The following RABGAP1L variants were observed in gnomAD, a reference collection of about 807,000 sequenced individuals.
RABGAP1L encodes the protein rab GTPase-activating protein 1-like.
RABGAP1L carries 63 observed loss-of-function variants against 137.7 expected under a neutral mutation model. That is an observed-to-expected ratio of 0.46 (90% confidence interval 0.37 to 0.56). RABGAP1L has a LOEUF of 0.56. RABGAP1L is among the 20% of genes least tolerant of loss of function. The pLI, the probability that RABGAP1L is intolerant of heterozygous loss-of-function variation, is 0.00. For missense variants in RABGAP1L, 1,095 were observed against 1,244.0 expected (o/e 0.88, Z 1.80); for synonymous variants, 431 against 433.7 (o/e 0.99, Z 0.08).
At chr1:174,229,798 G>A (rs1041903873) in intron 3 of RABGAP1L, among the ~76,000 whole-genome samples, 4 of 152,084 alleles carry the variant, frequency 2.6e-5, no homozygotes, top group African/African-American at 4.8e-5. Flanking sequence ...GGGATGGCTG[G>A]GTCAAATGGT....
At chr1:174,686,648 CTTTTTTTTTTTTTTT>C (rs533716511) in intron 15 of RABGAP1L, among the ~76,000 whole-genome samples, 20,395 of 105,860 alleles carry the variant, frequency 0.19, 5,022 homozygotes, top group African/African-American at 0.54. Flanking sequence ...ACAAAGCAAT[CTTTTTTTTTTTTTTT>C]TTTTTTTTTT....
chr1:174,889,537 C>T (rs998733896), intron 19 of RABGAP1L, among the ~76,000 whole-genome samples: 1 of 152,094 alleles, frequency 6.6e-6, no homozygotes, highest in South Asian at 2.1e-4. Flanking sequence ...CCTCCTGCTT[C>T]AACCTCTCAA....
At chr1:174,271,815 A>G (rs903255961) in intron 7 of RABGAP1L, among the ~76,000 whole-genome samples, 6 of 152,078 alleles carry the variant, frequency 3.9e-5, no homozygotes, top group African/African-American at 1.4e-4. Context: ...TTAACAGTAA[A>G]TTAATAATAT....
chr1:174,488,203 T>C (rs1021882333), intron 13 of RABGAP1L, among the ~76,000 whole-genome samples: 1 of 152,106 alleles, frequency 6.6e-6, no homozygotes, highest in African/African-American at 2.4e-5. Context: ...TTAGCACTTC[T>C]TGTAGAACAG....
chr1:174,626,902 A>T (rs866695323), intron 13 of RABGAP1L, among the ~76,000 whole-genome samples: 1 of 152,228 alleles, frequency 6.6e-6, no homozygotes, highest in Non-Finnish European at 1.5e-5. Context: ...TTATCATCCA[A>T]CATAGAACTA....
chr1:174,385,022 A>G (rs1350181668), intron 12 of RABGAP1L, among the ~76,000 whole-genome samples: 1 of 152,098 alleles, frequency 6.6e-6, no homozygotes, highest in Non-Finnish European at 1.5e-5. Flanking sequence ...TTGTGTCTTG[A>G]TCATGTCATG....
At chr1:174,510,316 T>C (rs1662215485) in intron 13 of RABGAP1L, among the ~76,000 whole-genome samples, 1 of 152,224 alleles carries the variant, frequency 6.6e-6, no homozygotes, top group South Asian at 2.1e-4. Context: ...TAATCTGTTT[T>C]GTTTACTGTT....
intron 14 of RABGAP1L, among the ~76,000 whole-genome samples, chr1:174,665,563 C>T (rs1484821861): frequency 2.6e-5 from 4 of 151,802 alleles, no homozygotes; most frequent in African/African-American, 9.7e-5. Context: ...TCAAGCAATT[C>T]TCCTGCCTTA....
chr1:174,720,420 C>T (rs774710282), intron 17 of RABGAP1L, among the ~76,000 whole-genome samples: 11 of 151,922 alleles, frequency 7.2e-5, no homozygotes, highest in Non-Finnish European at 1.5e-4. Context: ...CTCAAGCACT[C>T]CTCCCACCTC....
chr1:174,476,069 T>C lies in RABGAP1L; in HGVS notation c.1710+81924T>C, dbSNP rs116230860. Among the ~76,000 whole-genome samples, 457 of 152,220 alleles carry C rather than the reference T, an allele frequency of 3.0e-3. 3 individuals carry two copies. The highest frequency in any genetic ancestry group is 0.01 in the African/African-American group (425 of 41,552). On this transcript the variant is annotated intron_variant, in intron 13 of 25. Transcript: ENST00000681986. Reference sequence around the variant, plus strand: ...CCAACAAAGGTTAGCGGAGTGACCTTGGAAAGGTGAGAGTTAATTCTTACT... The same window carrying C: ...CCAACAAAGGTTAGCGGAGTGACCTCGGAAAGGTGAGAGTTAATTCTTACT...
intron 13 of RABGAP1L, among the ~76,000 whole-genome samples, chr1:174,603,634 T>G (rs888155374): frequency 6.6e-6 from 1 of 152,040 alleles, no homozygotes; most frequent in East Asian, 1.9e-4. Context: ...AAGAGCCTGT[T>G]GTAATGGCCA....
At chr1:174,432,795 G>C (rs2005972) in intron 13 of RABGAP1L, among the ~76,000 whole-genome samples, 147,802 of 152,340 alleles carry the variant, frequency 0.97, 71,750 homozygotes, top group East Asian at 1. Context: ...CTCGGCCTCT[G>C]AAAGTGCTAG....
chr1:174,613,824 T>G (rs1557900400), intron 13 of RABGAP1L, among the ~76,000 whole-genome samples: 1 of 152,220 alleles, frequency 6.6e-6, no homozygotes, highest in African/African-American at 2.4e-5. Context: ...GCCTTCTTTG[T>G]CTCTTTTGAT....
chr1:174,542,437 A>G (rs1665549284), intron 13 of RABGAP1L, among the ~76,000 whole-genome samples: 1 of 151,960 alleles, frequency 6.6e-6, no homozygotes, highest in Non-Finnish European at 1.5e-5. Flanking sequence ...ATCTGTGGTG[A>G]TATCCCCTTT....
chr1:174,715,322 G>A (rs1198460092), intron 17 of RABGAP1L, among the ~76,000 whole-genome samples: 1 of 152,144 alleles, frequency 6.6e-6, no homozygotes, highest in Non-Finnish European at 1.5e-5. Flanking sequence ...CAAAAGAGAA[G>A]GAACTCATGC....
intron 13 of RABGAP1L, among the ~76,000 whole-genome samples, chr1:174,441,046 T>A (rs1170006065): frequency 6.7e-6 from 1 of 149,726 alleles, no homozygotes; most frequent in Non-Finnish European, 1.5e-5. Context: ...TATAAAAGAA[T>A]AAAAGTATTA....
intron 19 of RABGAP1L, among the ~76,000 whole-genome samples, chr1:174,927,129 T>A (rs1171704844): frequency 6.6e-6 from 1 of 152,088 alleles, no homozygotes; most frequent in African/African-American, 2.4e-5. Flanking sequence ...TTGTTCCTGA[T>A]TTTAAAGGGA....
chr1:174,553,440 G>A (rs75015069), intron 13 of RABGAP1L, among the ~76,000 whole-genome samples: 4,370 of 152,204 alleles, frequency 0.029, 216 homozygotes, highest in African/African-American at 0.095. Context: ...TCAATCTTGT[G>A]CATATGGCTA....
chr1:174,849,710 G>A (rs566251804), intron 19 of RABGAP1L: 16 of 443,470 alleles, frequency 3.6e-5, no homozygotes, highest in Non-Finnish European at 5.4e-5. Flanking sequence ...AGGAGATTTC[G>A]ACTTCTGAAT....
Sources: gnomAD v4.1 joint callset for allele counts (sites outside exome capture counted in the v4.1 genomes callset) on GRCh38, gnomAD v4.1.1 for gene constraint, MANE v1.5 for transcripts, NCBI Gene and HGNC (gene_info 2026-07-23, HGNC 2026-07-21) for gene names.